DCDC1: variants seen among roughly 807,000 people sequenced by gnomAD.
DCDC1 encodes doublecortin domain containing 1.
In DCDC1, 200 loss-of-function variants were observed where a neutral mutation model predicts 178.3. That is an observed-to-expected ratio of 1.12 (90% CI 1.00 to 1.26). DCDC1 has a LOEUF of 1.26. DCDC1 is among the 50% of genes most tolerant of loss of function. The pLI is 0.00. For synonymous variants in DCDC1, 690 were observed against 604.8 expected, an observed-to-expected ratio of 1.14 and a Z score of -2.07; for missense variants, 1,983 against 1,749.2, an observed-to-expected ratio of 1.13 and a Z score of -2.38.
At chr11:30,899,188 G>T (rs974715440) in intron 34 of DCDC1, among the ~76,000 whole-genome samples, 3 of 151,866 alleles carry the variant, frequency 2.0e-5, no homozygotes, top group African/African-American at 7.3e-5. Context: ...TGACAGCAAG[G>T]TTTGTTTAAA....
chr11:30,909,909 AAT>A (rs1945327617), intron 28 of DCDC1, among the ~76,000 whole-genome samples: 2 of 152,150 alleles, frequency 1.3e-5, no homozygotes, highest in African/African-American at 2.4e-5. Flanking sequence ...GTTCTAACTA[AAT>A]ATGTCATAAC....
intron 20 of DCDC1, among the ~76,000 whole-genome samples, chr11:30,978,827 C>CACACACACA (rs1554991411): frequency 2.6e-4 from 36 of 140,570 alleles, no homozygotes; most frequent in African/African-American, 7.4e-4. Context: ...CACACACACA[C>CACACACACA]CCCCTTCTCA....
intron 9 of DCDC1, among the ~76,000 whole-genome samples, chr11:31,170,239 T>C (rs769761809): frequency 2.0e-5 from 3 of 152,180 alleles, no homozygotes; most frequent in Non-Finnish European, 4.4e-5. Context: ...TCATCACACA[T>C]GGTGTATGCT....
chr11:30,899,683 T>G, intron 33 of DCDC1, 41 bp from the exon 34 acceptor site: 3 of 1,342,878 alleles, frequency 2.2e-6, no homozygotes, highest in Non-Finnish European at 3.0e-6. Context: ...CAACAGTAAT[T>G]TATCACGCGC....
chr11:31,308,938 C>T (rs567690539), intron 3 of DCDC1, among the ~76,000 whole-genome samples: 2 of 151,624 alleles, frequency 1.3e-5, no homozygotes, highest in South Asian at 4.2e-4. Context: ...CCAAACACAC[C>T]CCCAATTATA....
intron 7 of DCDC1, among the ~76,000 whole-genome samples, chr11:31,284,180 C>T (rs1291912924): frequency 6.6e-6 from 1 of 152,110 alleles, no homozygotes; most frequent in East Asian, 1.9e-4. Flanking sequence ...ATACTAATTA[C>T]TCCAAGTAGG....
intron 1 of DCDC1, among the ~76,000 whole-genome samples, chr11:31,345,607 T>G (rs1287729436): frequency 6.6e-6 from 1 of 151,804 alleles, no homozygotes; most frequent in African/African-American, 2.4e-5. Flanking sequence ...AAATAAAAGA[T>G]GAAAACATCA....
At chr11:30,948,044 G>A (rs1467485582) in intron 21 of DCDC1, among the ~76,000 whole-genome samples, 1 of 152,086 alleles carries the variant, frequency 6.6e-6, no homozygotes, top group Non-Finnish European at 1.5e-5. Flanking sequence ...TATTTGAATA[G>A]GAAGAGAGGA....
In DCDC1 at chr11:30,880,185, C is replaced by G. The variant is rs565613839; in HGVS notation, c.5233+973G>C. ...CTAAGTACCCATGTAGTGAGGGTCA[C>G]CAAGAGCCAGGGTGAAGGGTAGTGA... On this transcript the variant is annotated intron_variant, in intron 37 of 38. Coordinates refer to ENST00000684477, the MANE Select transcript of DCDC1 (RefSeq NM_001387274.1). Among the ~76,000 whole-genome samples, 3 of 152,086 alleles carry G rather than the reference C, an allele frequency of 2.0e-5. No homozygotes were observed. The East Asian group carries it at 5.8e-4, about 29-fold the overall frequency.
chr11:30,912,303 A>G (rs1022987790), intron 27 of DCDC1, among the ~76,000 whole-genome samples: 2 of 149,602 alleles, frequency 1.3e-5, no homozygotes, highest in African/African-American at 4.9e-5. Flanking sequence ...TTCTTTTTTG[A>G]GATGGAGATT....
chr11:31,180,700 A>C (rs931123855), intron 9 of DCDC1, among the ~76,000 whole-genome samples: 3 of 152,168 alleles, frequency 2.0e-5, no homozygotes, highest in Non-Finnish European at 4.4e-5. Context: ...TGGCCTTCGC[A>C]ACCCACAGAC....
intron 20 of DCDC1, among the ~76,000 whole-genome samples, chr11:30,999,596 C>T (rs1951458205): frequency 6.6e-6 from 1 of 151,978 alleles, no homozygotes; most frequent in Non-Finnish European, 1.5e-5. Flanking sequence ...ACCTTTGGTC[C>T]AAATTCCAGC....
intron 12 of DCDC1, among the ~76,000 whole-genome samples, chr11:31,109,286 T>A (rs1959049079): frequency 6.6e-6 from 1 of 151,844 alleles, no homozygotes; most frequent in Non-Finnish European, 1.5e-5. Context: ...CCAGGCTAAT[T>A]TTTTTTATTT....
At chr11:31,327,045 T>C (rs1014854561) in intron 3 of DCDC1, among the ~76,000 whole-genome samples, 1 of 152,194 alleles carries the variant, frequency 6.6e-6, no homozygotes, top group Non-Finnish European at 1.5e-5. Flanking sequence ...CCATACCTTC[T>C]TTATTACTAC....
Position 31,290,629 on chromosome 11 carries a change from TATTTA to T in DCDC1, c.960+13_960+17del. 1 of 1,589,792 alleles carries T rather than the reference TATTTA, an allele frequency of 6.3e-7. No homozygotes were observed. Among genetic ancestry groups the T allele is most frequent in the Non-Finnish European group, 8.5e-7 (1 of 1,170,836 alleles). Reference sequence around the variant, plus strand: ...CTTTGAAATTAAATTCATAGTTCAATATTTAATTAAAAATTACCTTTTTCATTGTT... The same window carrying T: ...CTTTGAAATTAAATTCATAGTTCAATATTAAAAATTACCTTTTTCATTGTT... On this transcript the variant is annotated intron_variant, in intron 7 of 38. Transcript: ENST00000684477.
intron 25 of DCDC1, among the ~76,000 whole-genome samples, chr11:30,919,284 A>G (rs1441878484): frequency 6.6e-6 from 1 of 152,176 alleles, no homozygotes; most frequent in Non-Finnish European, 1.5e-5. Flanking sequence ...AATTATTTAA[A>G]TGTTAGAATG....
At chr11:31,053,152 T>C (rs541077062) in intron 20 of DCDC1, among the ~76,000 whole-genome samples, 11 of 152,066 alleles carry the variant, frequency 7.2e-5, no homozygotes, top group African/African-American at 2.2e-4. Context: ...ACAAGAGACA[T>C]TACAACTGAT....
At position 30,908,990 on chromosome 11, in the gene DCDC1, C is replaced by T; in HGVS notation, c.3874G>A (p.Val1292Ile). ...KEITSANYAG[V>I]CTSSVIKEEN... Reference sequence around the variant, plus strand: ...TCTTTAATCACAGATGATGTACAGACACCAGCATAATTTGCTGATGTAATT... The same window carrying T: ...TCTTTAATCACAGATGATGTACAGATACCAGCATAATTTGCTGATGTAATT... The change falls in exon 29 of 39, where the codon GTC becomes ATC. Residue 1292 changes from valine (V) to isoleucine (I), a missense_variant. Val to Ile is a conservative substitution (Grantham distance 29, BLOSUM62 3). Coordinates refer to ENST00000684477, the MANE Select transcript of DCDC1 (RefSeq NM_001387274.1). 4 of 1,610,376 alleles carry T rather than the reference C, an allele frequency of 2.5e-6. No homozygotes were observed. The highest frequency in any genetic ancestry group is 3.4e-6 in the Non-Finnish European group (4 of 1,177,654).
chr11:31,244,565 T>G (rs1205410612), intron 8 of DCDC1, among the ~76,000 whole-genome samples: 3 of 151,826 alleles, frequency 2.0e-5, no homozygotes, highest in Non-Finnish European at 4.4e-5. Context: ...CATTTCTTCT[T>G]ATGTGAAAGG....
Sources: allele counts gnomAD v4.1 joint callset (sites outside exome capture counted in the v4.1 genomes callset), GRCh38; gene constraint gnomAD v4.1.1; transcripts MANE v1.5; gene names NCBI Gene and HGNC (gene_info 2026-07-23, HGNC 2026-07-21).